The following GPR158 variants were observed in gnomAD, a reference collection of about 807,000 sequenced individuals.
GPR158 encodes G protein-coupled receptor 158.
GPR158 carries 30 observed loss-of-function variants against 78.2 expected under a neutral mutation model. That is an observed-to-expected ratio of 0.38 (90% CI 0.29 to 0.52). The LOEUF is 0.52. Among genes scored for constraint, GPR158 ranks in the 20% least tolerant of loss-of-function variants. The pLI is 0.83. For synonymous variants in GPR158, 581 were observed against 591.1 expected, an observed-to-expected ratio of 0.98 and a Z score of 0.25; for missense variants, 1,463 against 1,523.5, an observed-to-expected ratio of 0.96 and a Z score of 0.66.
At chr10:25,395,744 A>G (rs976054082) in intron 2 of GPR158, among the ~76,000 whole-genome samples, 167 bp from the exon 3 acceptor site, 8 of 151,898 alleles carry the variant, frequency 5.3e-5, no homozygotes, top group Non-Finnish European at 1.2e-4. Context: ...TACTGCTTCT[A>G]AAAAAAATTG....
chr10:25,279,926 AC>A (rs1232927551), intron 2 of GPR158, among the ~76,000 whole-genome samples: 1 of 151,738 alleles, frequency 6.6e-6, no homozygotes, highest in African/African-American at 2.4e-5. Context: ...TTAATTTTAG[AC>A]TTTTGTGCCT....
At chr10:25,371,206 T>A (rs1047013878) in intron 2 of GPR158, among the ~76,000 whole-genome samples, 1 of 150,864 alleles carries the variant, frequency 6.6e-6, no homozygotes, top group Admixed American at 6.6e-5. Context: ...TTTGATCCTG[T>A]CATTATGATG....
rs772059881 is a variant in GPR158, at chr10:25,598,222, G to A, written c.2596G>A (p.Glu866Lys). The change falls in exon 11 of 11, where the codon GAG becomes AAG. Residue 866 changes from glutamate (E) to lysine (K), a missense_variant. Coordinates refer to ENST00000376351, the MANE Select transcript of GPR158 (RefSeq NM_020752.3). ...KLTQKLKEDSEAESTESVPLV... is the reference protein window; with the variant it reads ...KLTQKLKEDSKAESTESVPLV... ...AACACAAAAACTAAAAGAAGACAGCGAGGCTGAGTCCACGGAGTCGGTGCC... is the reference window on the plus strand; with the variant it reads ...AACACAAAAACTAAAAGAAGACAGCAAGGCTGAGTCCACGGAGTCGGTGCC... 1.6e-5 allele frequency: 26 copies of A among 1,613,984 alleles called. No individual in the cohort carries two copies. The highest frequency in any genetic ancestry group is 2.2e-5 in the East Asian group (1 of 44,878).
intron 2 of GPR158, among the ~76,000 whole-genome samples, chr10:25,369,453 T>G (rs1387591446): frequency 1.3e-5 from 2 of 148,290 alleles, no homozygotes; most frequent in Non-Finnish European, 3.0e-5. Context: ...TGGCTCTGTT[T>G]ATATGCTGGA....
At chr10:25,240,284 A>G (rs1853585842) in intron 2 of GPR158, among the ~76,000 whole-genome samples, 1 of 152,166 alleles carries the variant, frequency 6.6e-6, no homozygotes, top group Admixed American at 6.5e-5. Context: ...TGAGGTGAGC[A>G]GATCACCAGA....
chr10:25,551,432 A>G (rs920216573), intron 6 of GPR158, among the ~76,000 whole-genome samples: 1 of 152,220 alleles, frequency 6.6e-6, no homozygotes, highest in Non-Finnish European at 1.5e-5. Context: ...CAGAGTGACC[A>G]TAGAATCCCA....
At chr10:25,513,452 TTTA>T (rs769846789) in intron 5 of GPR158, among the ~76,000 whole-genome samples, 70 of 152,030 alleles carry the variant, frequency 4.6e-4, no homozygotes, top group Non-Finnish European at 8.5e-4. Flanking sequence ...GTCTGTCAAT[TTTA>T]TTATCTTTTC....
intron 1 of GPR158, among the ~76,000 whole-genome samples, chr10:25,199,307 C>T (rs2130652571): frequency 6.6e-6 from 1 of 152,168 alleles, no homozygotes; most frequent in Middle Eastern, 3.4e-3. Flanking sequence ...CATTCCTCTC[C>T]CTTCTACTCA....
chr10:25,409,316 T>A (rs569465863), intron 3 of GPR158, among the ~76,000 whole-genome samples: 181 of 152,344 alleles, frequency 1.2e-3, no homozygotes, highest in Non-Finnish European at 2.3e-3. Flanking sequence ...TCACAAACTA[T>A]CTTGACTATG....
At chr10:25,390,734 A>G (rs1286293148) in intron 2 of GPR158, among the ~76,000 whole-genome samples, 2 of 152,268 alleles carry the variant, frequency 1.3e-5, no homozygotes, top group Admixed American at 6.5e-5. Flanking sequence ...TAAAAAAGAA[A>G]AACCCATTTT....
At chr10:25,298,581 T>C (rs1854548979) in intron 2 of GPR158, among the ~76,000 whole-genome samples, 1 of 152,186 alleles carries the variant, frequency 6.6e-6, no homozygotes, top group Admixed American at 6.5e-5. Flanking sequence ...ATCTTTCTCA[T>C]TAATTTTTAT....
chr10:25,314,850 TACACACACTGTC>T (rs1854823921), intron 2 of GPR158, among the ~76,000 whole-genome samples: 1 of 126,740 alleles, frequency 7.9e-6, no homozygotes, highest in African/African-American at 3.2e-5. Flanking sequence ...CGTATATACA[TACACACACTGTC>T]ATATATATAT....
chr10:25,190,127 A>G (rs1852753621), intron 1 of GPR158, among the ~76,000 whole-genome samples: 1 of 152,124 alleles, frequency 6.6e-6, no homozygotes, highest in East Asian at 1.9e-4. Flanking sequence ...AATCATTATA[A>G]AGATAAGTTG....
intron 2 of GPR158, among the ~76,000 whole-genome samples, chr10:25,391,116 A>G (rs1310521331): frequency 6.6e-6 from 1 of 152,224 alleles, no homozygotes; most frequent in African/African-American, 2.4e-5. Context: ...CTCTGCCTAG[A>G]TTTCAGAGGA....
At chr10:25,214,575 G>C (rs1034757657) in intron 1 of GPR158, among the ~76,000 whole-genome samples, 2 of 151,918 alleles carry the variant, frequency 1.3e-5, no homozygotes, top group Non-Finnish European at 2.9e-5. Flanking sequence ...TATAAATCAG[G>C]ATACCATATA....
chr10:25,322,153 G>A (rs1283982097), intron 2 of GPR158, among the ~76,000 whole-genome samples: 3 of 151,996 alleles, frequency 2.0e-5, no homozygotes, highest in East Asian at 1.9e-4. Flanking sequence ...AGGCTGAGGC[G>A]GGCAGATCGC....
chr10:25,433,572 C>A (rs375991329), intron 4 of GPR158, among the ~76,000 whole-genome samples: 1 of 99,058 alleles, frequency 1.0e-5, no homozygotes, highest in Non-Finnish European at 2.4e-5. Flanking sequence ...TGTGTGTGTG[C>A]GCGCGCGCGT....
At position 25,429,812 on chromosome 10, in the gene GPR158, C is replaced by T. The variant is rs566803480; in HGVS notation, c.1335+17339C>T. Among the ~76,000 whole-genome samples, 1,096 of 142,960 alleles carry T rather than the reference C, an allele frequency of 7.7e-3. 36 individuals carry two copies. The highest frequency in any genetic ancestry group is 0.027 in the African/African-American group (1,006 of 37,224). 93.8% of individuals were successfully genotyped at this position (142,960 alleles called of 152,430 possible). The stretch of plus-strand genomic sequence containing the variant: ...AAGGCCTTTGACAAAATTCAACAAC[C>T]GTTCATGCTAAAAACTCTCAATAAA... On this transcript the variant is annotated intron_variant, in intron 4 of 10. Coordinates refer to ENST00000376351, the MANE Select transcript of GPR158 (RefSeq NM_020752.3).
At chr10:25,246,351 T>C (rs111312334) in intron 2 of GPR158, among the ~76,000 whole-genome samples, 2,776 of 152,318 alleles carry the variant, frequency 0.018, 68 homozygotes, top group African/African-American at 0.054. Context: ...TGTGTGTATC[T>C]GCAAATAATA....
Sources: gnomAD v4.1 joint callset for allele counts (sites outside exome capture counted in the v4.1 genomes callset) on GRCh38, gnomAD v4.1.1 for gene constraint, MANE v1.5 for transcripts, NCBI Gene and HGNC (gene_info 2026-07-23, HGNC 2026-07-21) for gene names.